ZMYM4: variants seen among roughly 807,000 people sequenced by gnomAD.
ZMYM4 encodes the protein zinc finger MYM-type containing 4, also known as zinc finger MYM-type protein 4.
A neutral mutation model predicts 183.2 loss-of-function variants in ZMYM4; 31 were observed. The ratio of observed to expected loss-of-function variants is 0.17; its 90% confidence interval spans 0.13 to 0.23. ZMYM4 has a LOEUF of 0.23. ZMYM4 is among the 10% of genes least tolerant of loss of function. The pLI, the probability that ZMYM4 is intolerant of heterozygous loss-of-function variation, is 1.00. For missense variants in ZMYM4, 1,273 were observed against 1,840.3 expected, an observed-to-expected ratio of 0.69 and a Z score of 5.64; for synonymous variants, 592 against 631.2, an observed-to-expected ratio of 0.94 and a Z score of 0.93.
At position 35,399,591 on chromosome 1, in the gene ZMYM4, AACTTTTCTAG is replaced by A. The variant is rs1299399477; in HGVS notation, c.3528+24_3528+33del. 1 of 1,613,806 alleles carries A rather than the reference AACTTTTCTAG, an allele frequency of 6.2e-7. No homozygotes were observed. Among genetic ancestry groups the A allele is most frequent in the Non-Finnish European group, 8.5e-7 (1 of 1,179,794 alleles). ...CCAGACGAAGAGTAAGCTGCAGCTT[AACTTTTCTAG>A]ACTTTTCTTTCCTTCATTCTACAAG... On this transcript the variant is annotated intron_variant, in intron 23 of 29. Coordinates refer to ENST00000314607, the MANE Select transcript of ZMYM4 (RefSeq NM_005095.3).
chr1:35,379,442 G>A (rs1260979252), intron 7 of ZMYM4, among the ~76,000 whole-genome samples: 1 of 152,104 alleles, frequency 6.6e-6, no homozygotes. Flanking sequence ...CACCATGTTG[G>A]CTAGACTCGT....
Position 35,394,162 on chromosome 1 carries a change from C to CTTTTTTTTTTT in ZMYM4, c.2911+443_2911+453dup, listed in dbSNP as rs34277367. 1.2e-3 allele frequency among the ~76,000 whole-genome samples: 82 copies of CTTTTTTTTTTT among 68,430 alleles called. 10 individuals carry two copies. Among genetic ancestry groups the CTTTTTTTTTTT allele is most frequent in the East Asian group, 6.6e-3 (13 of 1,982 alleles). 44.9% of individuals were successfully genotyped at this position (68,430 alleles called of 152,430 possible). A position where few individuals can be genotyped will look rare whatever the true frequency, so the allele number is the denominator to read the frequency against. ...CCTTTGAGGAGAGCTTCAGAGCTTT[C>CTTTTTTTTTTT]TTTTTTTTTTTTTTTTTTTTTTTTT... On this transcript the variant is annotated intron_variant, in intron 18 of 29. Coordinates refer to ENST00000314607, the MANE Select transcript of ZMYM4 (RefSeq NM_005095.3).
At chr1:35,352,252 AGCGCGCAC>A (rs1410956044) in intron 2 of ZMYM4, among the ~76,000 whole-genome samples, 3 of 136,906 alleles carry the variant, frequency 2.2e-5, no homozygotes, top group African/African-American at 8.6e-5. Flanking sequence ...TTTAAAAATT[AGCGCGCAC>A]GCGCGCGCGC....
In ZMYM4 at chr1:35,293,258, G is replaced by A. The variant is rs558566493; in HGVS notation, c.39+24173G>A. Among the ~76,000 whole-genome samples the A allele has an allele frequency of 5.3e-5, 8 of 152,122 alleles. No individual in the cohort carries two copies. In the East Asian group the frequency reaches 1.5e-3, roughly 29 times the overall value. On this transcript the variant is annotated intron_variant, in intron 1 of 29. Coordinates refer to ENST00000314607, the MANE Select transcript of ZMYM4 (RefSeq NM_005095.3). ...GGGCTCAAATGATCCTCCTGCCTCA[G>A]CCTCCCGAAGTGCTAGGACTACAGG...
At chr1:35,286,755 G>A (rs1347732800) in intron 1 of ZMYM4, among the ~76,000 whole-genome samples, 2 of 131,252 alleles carry the variant, frequency 1.5e-5, no homozygotes, top group African/African-American at 5.7e-5. Context: ...ATACCCTTGT[G>A]CCTGGCTATT....
Position 35,346,375 on chromosome 1 carries a change from A to G in ZMYM4, c.86-12550A>G, listed in dbSNP as rs183814742. 3.5e-4 allele frequency among the ~76,000 whole-genome samples: 54 copies of G among 152,218 alleles called. 1 individual carries two copies. The highest frequency in any genetic ancestry group is 1.3e-3 in the African/African-American group (54 of 41,552). Reference sequence around the variant, plus strand: ...TCAGAAATAGTTCTATAGAGGTGAGACGTTGTGGCTCACACCTGTAATCCC... The same window carrying G: ...TCAGAAATAGTTCTATAGAGGTGAGGCGTTGTGGCTCACACCTGTAATCCC... On this transcript the variant is annotated intron_variant, in intron 2 of 29. Transcript: ENST00000314607.
At position 35,405,418 on chromosome 1, in the gene ZMYM4, G is replaced by C; in HGVS notation, c.3746G>C (p.Ser1249Thr). 1 of 1,613,700 alleles carries C rather than the reference G, an allele frequency of 6.2e-7. No homozygotes were observed. The highest frequency in any genetic ancestry group is 1.3e-5 in the African/African-American group (1 of 74,992). Residue 1249 changes from serine (S) to threonine (T), a missense_variant, in exon 25 of 30, where the codon AGT becomes ACT. Ser to Thr is a moderately conservative substitution (Grantham distance 58, BLOSUM62 1). Around this residue, in one of 6 missense-constraint regions of ZMYM4, gnomAD observed 133 missense variants for 155.7 expected, o/e 0.85. Coordinates refer to ENST00000314607, the MANE Select transcript of ZMYM4 (RefSeq NM_005095.3). ...AGCCCACGTTCTGACCCCTTAGGAAGTACTCAAGACCATGCACTCTCTCAA... is the reference window on the plus strand; with the variant it reads ...AGCCCACGTTCTGACCCCTTAGGAACTACTCAAGACCATGCACTCTCTCAA... ...SSSPRSDPLGSTQDHALSQES... is the reference protein window; with the variant it reads ...SSSPRSDPLGTTQDHALSQES...
chr1:35,375,029 T>G (rs1644304252), intron 7 of ZMYM4, among the ~76,000 whole-genome samples: 1 of 152,200 alleles, frequency 6.6e-6, no homozygotes, highest in African/African-American at 2.4e-5. Context: ...CCCTTGACTC[T>G]TTACAGTTCT....
chr1:35,365,987 A>C (rs1193154522), intron 5 of ZMYM4: 1 of 152,246 alleles, frequency 6.6e-6, no homozygotes, highest in Non-Finnish European at 1.5e-5. Flanking sequence ...GGAATCCAGC[A>C]GAAGTTTGCA....
chr1:35,405,601 G>A lies in ZMYM4; in HGVS notation c.3796+133G>A, dbSNP rs565759763. ...TAGAAAGAGAAATTAATCTTATCCC[G>A]TTTTAAGGAGGTTGTTATAAGGGTA... On this transcript the variant is annotated intron_variant, in intron 25 of 29. Coordinates refer to ENST00000314607, the MANE Select transcript of ZMYM4 (RefSeq NM_005095.3). 16 of 703,572 alleles carry A rather than the reference G, an allele frequency of 2.3e-5. 1 individual carries two copies. Among genetic ancestry groups the A allele is most frequent in the Middle Eastern group, 8.7e-4 (2 of 2,304 alleles). The allele number at this position is 703,572 out of a possible 1,614,324, so 43.6% of individuals were successfully genotyped here.
intron 2 of ZMYM4, among the ~76,000 whole-genome samples, chr1:35,340,707 C>T (rs1030745480): frequency 1.4e-4 from 21 of 152,022 alleles, no homozygotes; most frequent in African/African-American, 4.1e-4. Context: ...ACAGCTCAGG[C>T]GGTAATTCAA....
At chr1:35,294,514 T>A (rs1640913639) in intron 1 of ZMYM4, among the ~76,000 whole-genome samples, 1 of 152,180 alleles carries the variant, frequency 6.6e-6, no homozygotes, top group Non-Finnish European at 1.5e-5. Context: ...AGAACCTTGT[T>A]CTATAGTAGG....
intron 1 of ZMYM4, among the ~76,000 whole-genome samples, chr1:35,283,600 G>A (rs865857601): frequency 2.0e-4 from 30 of 151,806 alleles, no homozygotes; most frequent in African/African-American, 7.0e-4. Context: ...GCCTCCCAAA[G>A]TGCTGGGATT....
intron 13 of ZMYM4, 39 bp downstream of exon 13, chr1:35,387,643 G>A: frequency 6.4e-7 from 1 of 1,571,146 alleles, no homozygotes; most frequent in Non-Finnish European, 8.6e-7. Context: ...GAGCATGTTG[G>A]TTGTTTTAAA....
intron 1 of ZMYM4, among the ~76,000 whole-genome samples, chr1:35,274,583 G>A (rs1639773960): frequency 6.7e-6 from 1 of 149,704 alleles, no homozygotes; most frequent in Non-Finnish European, 1.5e-5. Context: ...TTTAGCCTGG[G>A]TGACAGAGCA....
At chr1:35,278,421 ACT>A (rs985725661) in intron 1 of ZMYM4, among the ~76,000 whole-genome samples, 4 of 142,758 alleles carry the variant, frequency 2.8e-5, no homozygotes, top group African/African-American at 5.5e-5. Flanking sequence ...TACAGCATGA[ACT>A]CTGTTTTTTT....
chr1:35,388,807 A>T, intron 13 of ZMYM4, 103 bp from the exon 14 acceptor site: 1 of 1,062,270 alleles, frequency 9.4e-7, no homozygotes, highest in Non-Finnish European at 1.4e-6. Context: ...AAGTGTTGGG[A>T]TTACAGGTGT....
chr1:35,384,846 T>C (rs113949487), intron 9 of ZMYM4, among the ~76,000 whole-genome samples: 19 of 132,244 alleles, frequency 1.4e-4, no homozygotes, highest in South Asian at 2.6e-4. Flanking sequence ...TTTTTCTTTT[T>C]TTTTTTTTTT....
At chr1:35,362,583 T>C (rs1056036325) in intron 5 of ZMYM4, among the ~76,000 whole-genome samples, 1 of 152,276 alleles carries the variant, frequency 6.6e-6, no homozygotes, top group African/African-American at 2.4e-5. Flanking sequence ...TGGCTCTTTT[T>C]CTGAAATGAC....
Sources: gnomAD v4.1 joint callset for allele counts (sites outside exome capture counted in the v4.1 genomes callset) on GRCh38, gnomAD v4.1.1 for gene constraint, gnomAD v4.1.1 regional missense constraint, MANE v1.5 for transcripts, NCBI Gene and HGNC (gene_info 2026-07-23, HGNC 2026-07-21) for gene names.